Variants in PDCD6IP observed in about 807,000 individuals in gnomAD.
PDCD6IP encodes the protein programmed cell death 6 interacting protein.
A neutral mutation model predicts 103.7 loss-of-function variants in PDCD6IP; 43 were observed. That is an observed-to-expected ratio of 0.41 (90% CI 0.32 to 0.53). The LOEUF is 0.53. Ranked by LOEUF, PDCD6IP falls within the 20% of genes least tolerant of loss-of-function variation. The probability of loss-of-function intolerance (pLI) is 0.16; values close to 1 mark genes in which losing one functional copy is unlikely to be tolerated. For missense variants in PDCD6IP, 871 were observed against 1,036.7 expected (o/e 0.84, Z 2.20); for synonymous variants, 354 against 378.7 (o/e 0.93, Z 0.76).
intron 15 of PDCD6IP, among the ~76,000 whole-genome samples, chr3:33,859,719 C>T (rs562368207): frequency 1.1e-4 from 17 of 152,200 alleles, no homozygotes; most frequent in African/African-American, 2.2e-4. Context: ...CATACATTGC[C>T]GTGAGAATAC....
At chr3:33,841,394 T>C (rs1295192885) in intron 9 of PDCD6IP, among the ~76,000 whole-genome samples, 1 of 150,164 alleles carries the variant, frequency 6.7e-6, no homozygotes, top group Non-Finnish European at 1.5e-5. Flanking sequence ...ATTTTATCAA[T>C]CACTGATTTT....
chr3:33,850,022 C>T (rs1697679858), intron 12 of PDCD6IP, among the ~76,000 whole-genome samples: 1 of 152,062 alleles, frequency 6.6e-6, no homozygotes, highest in South Asian at 2.1e-4. Context: ...TGGTTGGATA[C>T]CATGGAAGTT....
At chr3:33,846,557 A>C (rs1354412984) in intron 12 of PDCD6IP, among the ~76,000 whole-genome samples, 1 of 152,214 alleles carries the variant, frequency 6.6e-6, no homozygotes, top group African/African-American at 2.4e-5. Context: ...GAAGTACTTA[A>C]ATTTCAGTAA....
chr3:33,859,387 T>C (rs900270207), intron 15 of PDCD6IP, among the ~76,000 whole-genome samples: 2 of 151,814 alleles, frequency 1.3e-5, no homozygotes, highest in African/African-American at 4.8e-5. Flanking sequence ...CATAGAAATA[T>C]GATAAACAGA....
At chr3:33,855,497 A>T (rs1177077836) in intron 15 of PDCD6IP, among the ~76,000 whole-genome samples, 7 of 152,238 alleles carry the variant, frequency 4.6e-5, no homozygotes, top group Admixed American at 4.6e-4. Context: ...CACAGAAATG[A>T]TAAAAACAGT....
chr3:33,854,314 A>G (rs1287594588), intron 14 of PDCD6IP, among the ~76,000 whole-genome samples: 1 of 152,162 alleles, frequency 6.6e-6, no homozygotes, highest in African/African-American at 2.4e-5. Flanking sequence ...TAGGAAGTTG[A>G]CTAATTTGAT....
chr3:33,845,681 A>C, intron 12 of PDCD6IP, 93 bp downstream of exon 12: 1 of 949,404 alleles, frequency 1.1e-6, no homozygotes, highest in Non-Finnish European at 1.6e-6. Context: ...CTTATTGTCA[A>C]CTTTAAAAAA....
chr3:33,861,605 G>A (rs1452299904), intron 15 of PDCD6IP, among the ~76,000 whole-genome samples: 18 of 152,150 alleles, frequency 1.2e-4, no homozygotes, highest in Admixed American at 1.2e-3. Context: ...AAGGATATGT[G>A]TGTATGCTCA....
intron 1 of PDCD6IP, among the ~76,000 whole-genome samples, chr3:33,800,293 C>G (rs1696446566): frequency 6.6e-6 from 1 of 152,104 alleles, no homozygotes; most frequent in Admixed American, 6.5e-5. Flanking sequence ...TAACAATCGT[C>G]CGCAACACTC....
At chr3:33,812,004 C>A (rs114074378) in intron 1 of PDCD6IP, 68 bp from the exon 2 acceptor site, 34,022 of 1,489,278 alleles carry the variant, frequency 0.023, 473 homozygotes, top group Non-Finnish European at 0.028. Context: ...CATTTTAAAC[C>A]AGTTGTAATT....
chr3:33,808,455 G>A (rs1696645550), intron 1 of PDCD6IP, among the ~76,000 whole-genome samples: 2 of 152,136 alleles, frequency 1.3e-5, no homozygotes, highest in African/African-American at 4.8e-5. Flanking sequence ...ACGTGTGTAT[G>A]TATGTGTAAA....
chr3:33,803,267 A>T (rs565496580), intron 1 of PDCD6IP, among the ~76,000 whole-genome samples: 3 of 152,356 alleles, frequency 2.0e-5, no homozygotes, highest in Admixed American at 2.0e-4. Flanking sequence ...ATCAGCAGGT[A>T]TATGGGAGTA....
At chr3:33,836,892 A>T (rs1697360805) in intron 8 of PDCD6IP, among the ~76,000 whole-genome samples, 1 of 151,500 alleles carries the variant, frequency 6.6e-6, no homozygotes, top group South Asian at 2.1e-4. Flanking sequence ...AAATAAATAT[A>T]AAAATAAACC....
At position 33,867,930 on chromosome 3, in the gene PDCD6IP, A is replaced by G. The variant is rs1354471735; in HGVS notation, c.*1405A>G. 1.3e-5 allele frequency: 2 copies of G among 152,178 alleles called. No homozygotes were observed. The highest frequency in any genetic ancestry group is 6.5e-5 in the Admixed American group (1 of 15,284). 9.4% of individuals were successfully genotyped at this position (152,178 alleles called of 1,614,324 possible). ...CATTGAGTTTGGATTTATATTTTAA[A>G]TGTTCGAATGAAAGTATGATTGTAA... On this transcript the variant is annotated 3_prime_UTR_variant, in exon 18 of 18. Coordinates refer to ENST00000307296, the MANE Select transcript of PDCD6IP (RefSeq NM_013374.6).
intron 14 of PDCD6IP, chr3:33,854,764 C>G (rs1310668463): frequency 6.5e-6 from 1 of 153,422 alleles, no homozygotes; most frequent in Non-Finnish European, 1.4e-5. Flanking sequence ...AGAAAACCCT[C>G]CAGAGAGCCT....
In PDCD6IP at chr3:33,843,786, C is replaced by G. The variant is rs572783046; in HGVS notation, c.1360-326C>G. Reference sequence around the variant, plus strand: ...TTTTAATGTAATTGATCAGTTTTCCCCTTTTGTTTATGGCTTCTATTTATT... The same window carrying G: ...TTTTAATGTAATTGATCAGTTTTCCGCTTTTGTTTATGGCTTCTATTTATT... On this transcript the variant is annotated intron_variant, in intron 10 of 17. Coordinates refer to ENST00000307296, the MANE Select transcript of PDCD6IP (RefSeq NM_013374.6). 2.0e-5 allele frequency among the ~76,000 whole-genome samples: 3 copies of G among 151,356 alleles called. No individual in the cohort carries two copies. The East Asian group carries it at 5.8e-4, about 29-fold the overall frequency.
chr3:33,845,357 C>T, intron 11 of PDCD6IP, 62 bp from the exon 12 acceptor site: 1 of 1,283,486 alleles, frequency 7.8e-7, no homozygotes, highest in South Asian at 1.4e-5. Flanking sequence ...AACATATAAC[C>T]AGCCGATAAA....
In PDCD6IP at chr3:33,806,969, A is replaced by G. The variant is rs184294103; in HGVS notation, c.210-5103A>G. 2.0e-3 allele frequency among the ~76,000 whole-genome samples: 306 copies of G among 152,236 alleles called. 1 individual carries two copies. The highest frequency in any genetic ancestry group is 3.6e-3 in the Non-Finnish European group (246 of 68,010). The stretch of plus-strand genomic sequence containing the variant: ...GATCAGACATTGTTGATTTCCAGTG[A>G]TTGCCCTCCTGTTGTACTTTTATTT... On this transcript the variant is annotated intron_variant, in intron 1 of 17. Transcript: ENST00000307296.
chr3:33,863,754 C>A lies in PDCD6IP; in HGVS notation c.2121-252C>A, dbSNP rs1399623862. On this transcript the variant is annotated intron_variant, in intron 15 of 17. Coordinates refer to ENST00000307296, the MANE Select transcript of PDCD6IP (RefSeq NM_013374.6). Reference sequence around the variant, plus strand: ...AGATATCTCTTCAGTATATGGATATCCTTTCTTTAGGATATATACCCAGCA... The same window carrying A: ...AGATATCTCTTCAGTATATGGATATACTTTCTTTAGGATATATACCCAGCA... The A allele has an allele frequency of 1.1e-5, 5 of 438,708 alleles. No homozygotes were observed. In the East Asian group the frequency reaches 2.2e-4, roughly 19 times the overall value. The allele number at this position is 438,708 out of a possible 1,614,324, so 27.2% of individuals were successfully genotyped here. A position where few individuals can be genotyped will look rare whatever the true frequency, so the allele number is the denominator to read the frequency against.
Sources: allele counts gnomAD v4.1 joint callset (sites outside exome capture counted in the v4.1 genomes callset), GRCh38; gene constraint gnomAD v4.1.1; transcripts MANE v1.5; gene names NCBI Gene and HGNC (gene_info 2026-07-23, HGNC 2026-07-21).